The following PLEKHA7 variants were observed in gnomAD, a reference collection of about 807,000 sequenced individuals.
PLEKHA7 encodes pleckstrin homology domain-containing family A member 7.
PLEKHA7 carries 104 observed loss-of-function variants against 170.0 expected under a neutral mutation model. The ratio of observed to expected loss-of-function variants is 0.61; its 90% CI spans 0.52 to 0.72. The LOEUF is 0.72. Ranked by LOEUF, PLEKHA7 falls within the 30% of genes least tolerant of loss-of-function variation. The pLI, the probability that PLEKHA7 is intolerant of heterozygous loss-of-function variation, is 0.00. For missense variants in PLEKHA7, 1,615 were observed against 1,671.7 expected (o/e 0.97, Z 0.59); for synonymous variants, 648 against 660.8 (o/e 0.98, Z 0.30).
At chr11:16,876,911 G>A (rs1453287734) in intron 3 of PLEKHA7, among the ~76,000 whole-genome samples, 1 of 152,232 alleles carries the variant, frequency 6.6e-6, no homozygotes, top group Non-Finnish European at 1.5e-5. Context: ...TTATGTGAGT[G>A]ATGCTTAACA....
chr11:16,805,625 A>G (rs1311096705), intron 13 of PLEKHA7, among the ~76,000 whole-genome samples: 2 of 151,750 alleles, frequency 1.3e-5, no homozygotes, highest in Non-Finnish European at 2.9e-5. Flanking sequence ...CCCCATCTCT[A>G]CTAAAAATAC....
chr11:16,883,295 A>G (rs900497792), intron 3 of PLEKHA7, among the ~76,000 whole-genome samples: 1 of 152,210 alleles, frequency 6.6e-6, no homozygotes, highest in South Asian at 2.1e-4. Context: ...TTCATCAGTT[A>G]TATAGAAATA....
intron 13 of PLEKHA7, among the ~76,000 whole-genome samples, chr11:16,806,375 T>C (rs1020635456): frequency 4.6e-5 from 7 of 152,230 alleles, no homozygotes; most frequent in Non-Finnish European, 8.8e-5. Context: ...CATGTTCAAA[T>C]ACACTTAAAA....
chr11:16,789,124 C>A lies in PLEKHA7; in HGVS notation c.3329G>T (p.Ser1110Ile). 6.2e-7 allele frequency: 1 copy of A among 1,607,220 alleles called. No homozygotes were observed. The change falls in exon 23 of 27, where the codon AGC (serine) becomes ATC (isoleucine). Residue 1110 changes from serine to isoleucine, a missense_variant. By Grantham distance (142) the Ser-to-Ile change is moderately radical. Coordinates refer to ENST00000531066, the MANE Select transcript of PLEKHA7 (RefSeq NM_001329630.2). The surrounding 1 kb of genome is among the most constrained non-coding windows in gnomAD (Gnocchi z 4.6). ...RTGLPSSRYL[S>I]RPLPGDLGSW... Reference sequence around the variant, plus strand: ...GCCAAGATCTCCAGGGAGCGGCCGGCTGAGGTAGCGAGATGAGGGCAGGCC... The same window carrying A: ...GCCAAGATCTCCAGGGAGCGGCCGGATGAGGTAGCGAGATGAGGGCAGGCC...
rs547734843 is a variant in PLEKHA7 at position 16,999,698 on chromosome 11, CAT to C, written c.221+14289_221+14290del. Among the ~76,000 whole-genome samples, 50 of 152,328 alleles carry C rather than the reference CAT, an allele frequency of 3.3e-4. No homozygotes were observed. The East Asian group carries it at 9.5e-3, about 29-fold the overall frequency. Reference sequence around the variant, plus strand: ...AGACTCACAATGCCTGAGCACCTATCATGTGCTGAATAGCATGGTAGGAGCTT... The same window carrying C: ...AGACTCACAATGCCTGAGCACCTATCGTGCTGAATAGCATGGTAGGAGCTT... On this transcript the variant is annotated intron_variant, in intron 3 of 26. Coordinates refer to ENST00000531066, the MANE Select transcript of PLEKHA7 (RefSeq NM_001329630.2).
At chr11:16,850,433 A>G (rs1262947107) in intron 8 of PLEKHA7, among the ~76,000 whole-genome samples, 1 of 152,192 alleles carries the variant, frequency 6.6e-6, no homozygotes, top group African/African-American at 2.4e-5. Context: ...TGGATCTTCA[A>G]TCCACCCCAT....
intron 3 of PLEKHA7, among the ~76,000 whole-genome samples, chr11:16,987,483 G>T (rs1863806810): frequency 6.6e-6 from 1 of 152,174 alleles, no homozygotes; most frequent in African/African-American, 2.4e-5. Context: ...CACCCTTGAG[G>T]CGTGGTGAAA....
intron 3 of PLEKHA7, among the ~76,000 whole-genome samples, chr11:16,921,485 G>C (rs1347055003): frequency 6.6e-6 from 1 of 152,218 alleles, no homozygotes; most frequent in East Asian, 1.9e-4. Context: ...TTCAGACTTA[G>C]CCTGGGATAT....
intron 3 of PLEKHA7, among the ~76,000 whole-genome samples, chr11:16,954,261 A>G (rs938904281): frequency 2.0e-5 from 3 of 152,242 alleles, no homozygotes; most frequent in Non-Finnish European, 4.4e-5. Flanking sequence ...CACACCTGTA[A>G]TCTCAGCACT....
chr11:16,897,749 T>A (rs1235448761), intron 3 of PLEKHA7, among the ~76,000 whole-genome samples: 2 of 152,178 alleles, frequency 1.3e-5, no homozygotes, highest in Non-Finnish European at 2.9e-5. Flanking sequence ...AAATAAGGTT[T>A]CAGACTTTAT....
chr11:16,793,953 G>C (rs1387122261), intron 19 of PLEKHA7, among the ~76,000 whole-genome samples: 1 of 152,108 alleles, frequency 6.6e-6, no homozygotes, highest in African/African-American at 2.4e-5. Context: ...TAGGCTCTTA[G>C]TTTTCTTCTC....
intron 12 of PLEKHA7, among the ~76,000 whole-genome samples, 166 bp downstream of exon 12, chr11:16,816,012 C>T (rs2134689239): frequency 6.6e-6 from 1 of 152,270 alleles, no homozygotes; most frequent in South Asian, 2.1e-4. Context: ...GACCCAGTGA[C>T]AGCCAGGTGA....
chr11:16,944,545 A>T (rs1412623614), intron 3 of PLEKHA7, among the ~76,000 whole-genome samples: 1 of 54,396 alleles, frequency 1.8e-5, no homozygotes. Flanking sequence ...CTTCTCCTTA[A>T]AAAAAAAAAA....
At chr11:16,918,192 T>C (rs1858831341) in intron 3 of PLEKHA7, among the ~76,000 whole-genome samples, 1 of 152,230 alleles carries the variant, frequency 6.6e-6, no homozygotes, top group Non-Finnish European at 1.5e-5. Context: ...AGAAGCAGGA[T>C]AAGGGTTCTG....
At chr11:16,919,277 G>A (rs992415907) in intron 3 of PLEKHA7, among the ~76,000 whole-genome samples, 1 of 152,114 alleles carries the variant, frequency 6.6e-6, no homozygotes, top group African/African-American at 2.4e-5. Flanking sequence ...CACACTTTGG[G>A]AAACTCTGGT....
chr11:16,781,662 G>A (rs1849031439), intron 26 of PLEKHA7, among the ~76,000 whole-genome samples: 1 of 152,170 alleles, frequency 6.6e-6, no homozygotes, highest in South Asian at 2.1e-4. Flanking sequence ...TCAGGCTGTG[G>A]GGGACAGAGA....
chr11:16,801,178 G>C, intron 16 of PLEKHA7, 103 bp from the exon 17 acceptor site: 1 of 972,346 alleles, frequency 1.0e-6, no homozygotes, highest in South Asian at 1.4e-5. Context: ...GCCAGGGGAA[G>C]AGGGAAGGAG....
chr11:16,996,459 C>T (rs371226880), intron 3 of PLEKHA7, among the ~76,000 whole-genome samples: 12 of 152,330 alleles, frequency 7.9e-5, no homozygotes, highest in East Asian at 7.7e-4. Flanking sequence ...AGACCTATAA[C>T]GTAGCCCCTG....
chr11:17,012,350 T>A (rs969757199), intron 3 of PLEKHA7, among the ~76,000 whole-genome samples: 2 of 152,238 alleles, frequency 1.3e-5, no homozygotes, highest in Admixed American at 1.3e-4. Flanking sequence ...CCAGCCTTCC[T>A]GCTCCTTAAA....
Sources: gnomAD v4.1 joint callset for allele counts (sites outside exome capture counted in the v4.1 genomes callset) on GRCh38, gnomAD v4.1.1 for gene constraint, Gnocchi (gnomAD v3.1) non-coding constraint, MANE v1.5 for transcripts, NCBI Gene and HGNC (gene_info 2026-07-23, HGNC 2026-07-21) for gene names.